CC2D2B: variants seen among roughly 807,000 people sequenced by gnomAD.
CC2D2B encodes the protein coiled-coil and C2 domain containing 2B.
Under a neutral mutation model 161.2 loss-of-function variants are expected in CC2D2B, and 128 were observed. The ratio of observed to expected loss-of-function variants is 0.79; its 90% CI spans 0.69 to 0.92. The LOEUF (loss-of-function observed/expected upper bound fraction) is 0.92, where lower values mean the gene tolerates loss of function less well. Ranked by LOEUF, CC2D2B falls within the 40% of genes least tolerant of loss-of-function variation. The probability of loss-of-function intolerance (pLI) is 0.00; values close to 1 mark genes in which losing one functional copy is unlikely to be tolerated. For missense variants in CC2D2B, 1,173 were observed against 1,375.1 expected, an observed-to-expected ratio of 0.85 and a Z score of 2.32; for synonymous variants, 391 against 449.8, an observed-to-expected ratio of 0.87 and a Z score of 1.65.
chr10:95,974,940 C>A (rs1467886776), intron 17 of CC2D2B, among the ~76,000 whole-genome samples: 1 of 152,138 alleles, frequency 6.6e-6, no homozygotes, highest in East Asian at 1.9e-4. Context: ...ACACAGTTGT[C>A]AAAACCTACA....
At chr10:95,969,592 C>T (rs2141479319) in intron 15 of CC2D2B, among the ~76,000 whole-genome samples, 1 of 152,098 alleles carries the variant, frequency 6.6e-6, no homozygotes, top group South Asian at 2.1e-4. Context: ...ATTGTAGTTA[C>T]ATATATAAAT....
At chr10:95,950,291 G>T (rs957203731) in intron 10 of CC2D2B, among the ~76,000 whole-genome samples, 186 bp downstream of exon 10, 2 of 152,068 alleles carry the variant, frequency 1.3e-5, no homozygotes, top group Non-Finnish European at 2.9e-5. Context: ...TATCCTATGG[G>T]ATATTTATTT....
At chr10:95,955,199 C>T (rs535735375) in intron 10 of CC2D2B, among the ~76,000 whole-genome samples, 195 bp from the exon 11 acceptor site, 1 of 151,724 alleles carries the variant, frequency 6.6e-6, no homozygotes, top group African/African-American at 2.4e-5. Context: ...TGTTTATTGC[C>T]TACATAGATA....
At chr10:95,993,952 G>GTGTA (rs2078117858) in intron 22 of CC2D2B, among the ~76,000 whole-genome samples, 11 of 18,178 alleles carry the variant, frequency 6.1e-4, no homozygotes, top group South Asian at 2.3e-3. Flanking sequence ...GTATGTATGT[G>GTGTA]TATATATATA....
intron 12 of CC2D2B, among the ~76,000 whole-genome samples, chr10:95,962,946 C>T (rs934023886): frequency 1.3e-5 from 2 of 152,018 alleles, no homozygotes; most frequent in African/African-American, 2.4e-5. Context: ...ACACAGATGT[C>T]GTAGGGTTAC....
At position 95,947,078 on chromosome 10, in the gene CC2D2B, C is replaced by CAAAAAAAA. The variant is rs368168752; in HGVS notation, c.802-2813_802-2812insAAAAAAAA. ...GTGCATAAATTCCAAATAGTGGACT[C>CAAAAAAAA]AAAAATATATATATATATATATATA... On this transcript the variant is annotated intron_variant, in intron 9 of 34. Transcript: ENST00000646931. Among the ~76,000 whole-genome samples, 299 of 51,684 alleles carry CAAAAAAAA rather than the reference C, an allele frequency of 5.8e-3. 6 individuals are homozygous for CAAAAAAAA. The highest frequency in any genetic ancestry group is 0.015 in the African/African-American group (215 of 14,032). 33.9% of individuals were successfully genotyped at this position (51,684 alleles called of 152,430 possible).
At chr10:96,000,109 T>G in intron 24 of CC2D2B, 2 of 1,492,734 alleles carry the variant, frequency 1.3e-6, no homozygotes, top group Non-Finnish European at 1.8e-6. Context: ...TTAAACAATA[T>G]CCATTCTCTT....
intron 16 of CC2D2B, 121 bp from the exon 17 acceptor site, chr10:95,973,888 G>A (rs910755569): frequency 8.8e-6 from 4 of 452,488 alleles, no homozygotes; most frequent in African/African-American, 6.1e-5. Context: ...AAAGAGTGGG[G>A]TTAGCACAGA....
rs1273773076 is a variant in CC2D2B, at chr10:95,938,163, A to G, written c.509A>G (p.Asn170Ser). 4 of 1,549,774 alleles carry G rather than the reference A, an allele frequency of 2.6e-6. 1 individual carries two copies. In the South Asian group the frequency reaches 4.8e-5, roughly 18 times the overall value. ...DQEQIKKQKA[N>S]IFVPSSSPVV... ...GAACAAATAAAAAAACAGAAGGCAAATATTTTTGTACCAAGTAGTTCTCCA... is the reference window on the plus strand; with the variant it reads ...GAACAAATAAAAAAACAGAAGGCAAGTATTTTTGTACCAAGTAGTTCTCCA... Residue 170 changes from asparagine to serine, a missense_variant, in exon 7 of 35, where the codon AAT becomes AGT. By Grantham distance (46) the Asn-to-Ser change is conservative (BLOSUM62 1). This residue lies in a region of CC2D2B where 298 missense variants were observed against 261.2 expected (regional missense o/e 1.14). Transcript: ENST00000646931.
intron 1 of CC2D2B, among the ~76,000 whole-genome samples, chr10:95,909,732 T>G (rs535444901): frequency 6.6e-6 from 1 of 152,194 alleles, no homozygotes; most frequent in African/African-American, 2.4e-5. Context: ...TTTATTTTGC[T>G]AGCACTCCTG....
At chr10:95,985,329 C>T (rs971530442) in intron 19 of CC2D2B, among the ~76,000 whole-genome samples, 5 of 152,198 alleles carry the variant, frequency 3.3e-5, no homozygotes, top group South Asian at 2.1e-4. Context: ...GGACCCCGAA[C>T]GGAAGGACCA....
At chr10:95,928,288 G>A (rs192280753) in intron 6 of CC2D2B, among the ~76,000 whole-genome samples, 58 of 151,600 alleles carry the variant, frequency 3.8e-4, no homozygotes, top group African/African-American at 1.3e-3. Flanking sequence ...GTATAAAAAC[G>A]TAATGCAGAA....
In CC2D2B at chr10:95,983,618, A is replaced by C; in HGVS notation, c.2095A>C (p.Lys699Gln). 8.1e-7 allele frequency: 1 copy of C among 1,229,878 alleles called. No homozygotes were observed. The highest frequency in any genetic ancestry group is 1.0e-6 in the Non-Finnish European group (1 of 985,996). 76.2% of individuals were successfully genotyped at this position (1,229,878 alleles called of 1,614,324 possible). The change falls in exon 19 of 35, where the codon AAG becomes CAG. Residue 699 changes from lysine (K) to glutamine (Q), a missense_variant. Transcript: ENST00000646931. ...TTGCGTTTTACAGTACATGAGACTTAAGGGGCAGGATATTCCAAAGTATTT... is the reference window on the plus strand; with the variant it reads ...TTGCGTTTTACAGTACATGAGACTTCAGGGGCAGGATATTCCAAAGTATTT... ...LMESVTYMRL[K>Q]GQDIPKYFRL...
chr10:96,019,733 C>T lies in CC2D2B; in HGVS notation c.3797C>T (p.Pro1266Leu), dbSNP rs753806092. The change falls in exon 32 of 35, where the codon CCA becomes CTA. Residue 1266 changes from proline (P) to leucine (L), a missense_variant. Coordinates refer to ENST00000646931, the MANE Select transcript of CC2D2B (RefSeq NM_001349008.3). The part of the protein sequence containing the change: ...VWFNIQQNNT[P>L]MAVFFDYSKE... ...TTTAATATTCAACAAAATAATACAC[C>T]AATGGCTGTATTTTTTGACTATTCA... 1 of 1,601,080 alleles carries T rather than the reference C, an allele frequency of 6.2e-7. No homozygotes were observed. Among genetic ancestry groups the T allele is most frequent in the Non-Finnish European group, 8.5e-7 (1 of 1,175,376 alleles).
chr10:95,927,321 T>C lies in CC2D2B; in HGVS notation c.325T>C (p.Ser109Pro), dbSNP rs2098541169. 2 of 1,548,106 alleles carry C rather than the reference T, an allele frequency of 1.3e-6. No individual in the cohort carries two copies. The highest frequency in any genetic ancestry group is 8.7e-7 in the Non-Finnish European group (1 of 1,143,600). ...TGAAGAAGGTTCAGCTTTGGGCAAG[T>C]CTTCAGAGCAGGTTGGATTTGTTTG... ...SGEEGSALGKSSEQRPVNRSY... is the reference protein window; with the variant it reads ...SGEEGSALGKPSEQRPVNRSY... Residue 109 changes from serine (S) to proline (P), a missense_variant, in exon 6 of 35, where the codon TCT becomes CCT. Transcript: ENST00000646931.
chr10:95,996,225 G>A lies in CC2D2B; in HGVS notation c.2822G>A (p.Trp941Ter). The part of the protein sequence containing the change: ...TNTASGSHPC[W>*]NEEIKVDFVS... ...ACAGCAAGTGGATCTCATCCATGCT[G>A]GAATGAAGAAATTAAAGTAGATTTT... Residue 941 changes from tryptophan (W) to a stop codon, truncating the protein, a stop_gained, in exon 24 of 35, where the codon TGG becomes TAG. Transcript: ENST00000646931. LOFTEE classifies it high-confidence loss of function. 1 of 1,495,808 alleles carries A rather than the reference G, an allele frequency of 6.7e-7. No individual in the cohort carries two copies. Among genetic ancestry groups the A allele is most frequent in the Non-Finnish European group, 8.9e-7 (1 of 1,119,860 alleles). The allele number at this position is 1,495,808 out of a possible 1,614,324, so 92.7% of individuals were successfully genotyped here.
At chr10:95,926,604 CTTA>C (rs1451031891) in intron 5 of CC2D2B, among the ~76,000 whole-genome samples, 1 of 150,950 alleles carries the variant, frequency 6.6e-6, no homozygotes, top group African/African-American at 2.4e-5. Flanking sequence ...ATGAGTTTTA[CTTA>C]TTATAGAATT....
intron 9 of CC2D2B, among the ~76,000 whole-genome samples, chr10:95,939,217 T>G (rs189291414): frequency 5.3e-4 from 81 of 152,286 alleles, no homozygotes; most frequent in African/African-American, 1.8e-3. Flanking sequence ...AGGTAGCCAC[T>G]ATTATAACTT....
At chr10:95,988,390 C>T (rs1384186440) in intron 20 of CC2D2B, 48 bp downstream of exon 20, 1 of 873,302 alleles carries the variant, frequency 1.1e-6, no homozygotes, top group African/African-American at 1.7e-5. Context: ...TTTGTGAAAA[C>T]TGGTCTGCTA....
Sources: gnomAD v4.1 joint callset for allele counts (sites outside exome capture counted in the v4.1 genomes callset) on GRCh38, gnomAD v4.1.1 for gene constraint, gnomAD v4.1.1 regional missense constraint, MANE v1.5 for transcripts, NCBI Gene and HGNC (gene_info 2026-07-23, HGNC 2026-07-21) for gene names.